Variants in DAB1 observed in about 807,000 individuals in gnomAD.
DAB1 encodes the protein DAB adaptor protein 1.
A neutral mutation model predicts 64.6 loss-of-function variants in DAB1; 15 were observed. That is an observed-to-expected ratio of 0.23 (90% CI 0.16 to 0.36). The LOEUF (loss-of-function observed/expected upper bound fraction) is 0.36, where lower values mean the gene tolerates loss of function less well. Among genes scored for constraint, DAB1 ranks in the 10% least tolerant of loss-of-function variants. DAB1 has a pLI of 1.00. For synonymous variants in DAB1, 235 were observed against 251.9 expected (o/e 0.93, Z 0.64); for missense variants, 596 against 706.7 (o/e 0.84, Z 1.78).
At chr1:58,235,434 T>A (rs1659977150) in intron 4 of DAB1, among the ~76,000 whole-genome samples, 1 of 152,196 alleles carries the variant, frequency 6.6e-6, no homozygotes, top group South Asian at 2.1e-4. Flanking sequence ...GCTATGAGGG[T>A]AAAAAGATAA....
intron 7 of DAB1, among the ~76,000 whole-genome samples, chr1:57,445,355 T>C (rs918935204): frequency 2.0e-5 from 3 of 152,180 alleles, no homozygotes; most frequent in Non-Finnish European, 2.9e-5. Flanking sequence ...AAGGGTTATC[T>C]GACTAGCCCA....
chr1:58,180,477 T>C (rs183908991), intron 4 of DAB1, among the ~76,000 whole-genome samples: 5 of 151,700 alleles, frequency 3.3e-5, no homozygotes, highest in East Asian at 3.9e-4. Flanking sequence ...AAATTTTTCA[T>C]AGAGGCGAGC....
At chr1:58,437,985 G>C (rs1644963743) in intron 3 of DAB1, among the ~76,000 whole-genome samples, 1 of 152,184 alleles carries the variant, frequency 6.6e-6, no homozygotes, top group Non-Finnish European at 1.5e-5. Context: ...AGATGCCAGT[G>C]ACCATGTTCC....
At chr1:58,185,297 A>G (rs913960187) in intron 4 of DAB1, among the ~76,000 whole-genome samples, 1 of 152,206 alleles carries the variant, frequency 6.6e-6, no homozygotes, top group African/African-American at 2.4e-5. Context: ...ATCTGCAGGC[A>G]TCTGAAGTTT....
At chr1:57,736,374 G>T (rs1287008874) in intron 6 of DAB1, among the ~76,000 whole-genome samples, 1 of 152,150 alleles carries the variant, frequency 6.6e-6, no homozygotes, top group Non-Finnish European at 1.5e-5. Flanking sequence ...TTTCTCTAAG[G>T]TAGTTTTGAC....
At chr1:57,250,989 G>T (rs927996263) in intron 2 of DAB1, among the ~76,000 whole-genome samples, 2 of 152,184 alleles carry the variant, frequency 1.3e-5, no homozygotes, top group Non-Finnish European at 2.9e-5. Context: ...TTATATGTGT[G>T]GTGGTATGAG....
chr1:57,205,479 C>T (rs1665463090), intron 2 of DAB1, among the ~76,000 whole-genome samples: 1 of 152,002 alleles, frequency 6.6e-6, no homozygotes, highest in Admixed American at 6.6e-5. Context: ...TCACAATTAC[C>T]AAGGAGGAAA....
chr1:57,445,012 T>C (rs1362552207), intron 7 of DAB1, among the ~76,000 whole-genome samples: 2 of 152,240 alleles, frequency 1.3e-5, no homozygotes, highest in South Asian at 2.1e-4. Context: ...CATCATTATA[T>C]AGAACTCACC....
At chr1:57,902,931 A>G (rs1644497568) in intron 5 of DAB1, among the ~76,000 whole-genome samples, 1 of 152,186 alleles carries the variant, frequency 6.6e-6, no homozygotes, top group African/African-American at 2.4e-5. Context: ...TTTATAAAGG[A>G]AAGAGGTTTA....
At chr1:57,447,205 A>G (rs1027068918) in intron 7 of DAB1, among the ~76,000 whole-genome samples, 2 of 152,200 alleles carry the variant, frequency 1.3e-5, no homozygotes, top group Admixed American at 1.3e-4. Flanking sequence ...CTCCTCAAAG[A>G]GACACATTTG....
chr1:57,006,200 G>T (rs1179311151), intron 14 of DAB1, among the ~76,000 whole-genome samples: 1 of 152,132 alleles, frequency 6.6e-6, no homozygotes, highest in East Asian at 1.9e-4. Flanking sequence ...CTACTCCAAT[G>T]GCTGAAACCC....
chr1:57,762,411 A>C (rs1459420901), intron 6 of DAB1, among the ~76,000 whole-genome samples: 1 of 152,180 alleles, frequency 6.6e-6, no homozygotes, highest in African/African-American at 2.4e-5. Flanking sequence ...GCTCCTGAGA[A>C]AGATTACATG....
At chr1:57,857,422 T>C (rs895910203) in intron 1 of DAB1, among the ~76,000 whole-genome samples, 2 of 152,132 alleles carry the variant, frequency 1.3e-5, no homozygotes, top group African/African-American at 4.8e-5. Context: ...ATGGTAATGA[T>C]GATGGTGATG....
At chr1:58,329,708 AT>A (rs1272767434) in intron 4 of DAB1, among the ~76,000 whole-genome samples, 3 of 151,992 alleles carry the variant, frequency 2.0e-5, no homozygotes, top group African/African-American at 7.2e-5. Context: ...AATATTTCAA[AT>A]TTTTCATCAT....
chr1:57,585,927 C>G (rs1408934490), intron 7 of DAB1, among the ~76,000 whole-genome samples: 1 of 152,162 alleles, frequency 6.6e-6, no homozygotes. Flanking sequence ...AGCTGTGGAG[C>G]CTTGAGCAAG....
chr1:57,764,609 T>C (rs1649229575), intron 6 of DAB1, among the ~76,000 whole-genome samples: 3 of 152,188 alleles, frequency 2.0e-5, no homozygotes, highest in East Asian at 3.8e-4. Flanking sequence ...GCCTCTAGTA[T>C]ACTCTGTTCT....
chr1:57,885,029 G>A (rs1159370334), upstream of DAB1, among the ~76,000 whole-genome samples: 1 of 152,182 alleles, frequency 6.6e-6, no homozygotes, highest in African/African-American at 2.4e-5. Flanking sequence ...CTGCAGAACT[G>A]TGAGTCAAAC....
chr1:57,727,729 C>CTTCCTTCCTTCCTTCCTTCT (rs1647242369), intron 6 of DAB1, among the ~76,000 whole-genome samples: 2 of 148,552 alleles, frequency 1.3e-5, no homozygotes, highest in East Asian at 3.9e-4. Context: ...TCCTTCTCTC[C>CTTCCTTCCTTCCTTCCTTCT]TTCCTTCCTT....
intron 7 of DAB1, among the ~76,000 whole-genome samples, chr1:57,569,241 A>T (rs1645163493): frequency 8.4e-6 from 1 of 118,584 alleles, no homozygotes; most frequent in African/African-American, 3.3e-5. Context: ...CCTGGGCGAC[A>T]GCGAGACTCC....
Sources: gnomAD v4.1 joint callset for allele counts (sites outside exome capture counted in the v4.1 genomes callset) on GRCh38, gnomAD v4.1.1 for gene constraint, MANE v1.5 for transcripts, NCBI Gene and HGNC (gene_info 2026-07-23, HGNC 2026-07-21) for gene names.